Variants in DOCK8 observed in about 807,000 individuals in gnomAD.
The protein encoded by DOCK8 is dedicator of cytokinesis 8, also known as dedicator of cytokinesis protein 8.
In DOCK8, 141 loss-of-function variants were observed where a neutral mutation model predicts 245.6. The ratio of observed to expected loss-of-function variants is 0.57; its 90% confidence interval spans 0.50 to 0.66. The LOEUF (loss-of-function observed/expected upper bound fraction) is 0.66. DOCK8 is among the 30% of genes least tolerant of loss of function. DOCK8 has a pLI of 0.00. For synonymous variants in DOCK8, 1,168 were observed against 970.2 expected, an observed-to-expected ratio of 1.20 and a Z score of -3.79; for missense variants, 2,965 against 2,603.4, an observed-to-expected ratio of 1.14 and a Z score of -3.02.
At position 441,328 on chromosome 9, in the gene DOCK8, A is replaced by C. The variant is rs373154957; in HGVS notation, c.5266A>C (p.Ile1756Leu). The change falls in exon 41 of 48, where the codon ATC (isoleucine) becomes CTC (leucine). Residue 1756 changes from isoleucine (I) to leucine (L), a missense_variant. By Grantham distance (5) the Ile-to-Leu change is conservative. Coordinates refer to ENST00000432829, the MANE Select transcript of DOCK8 (RefSeq NM_203447.4). ...ETVNEVYKLV[I>L]PILEAHREFR... ...AGTTAATGAGGTCTACAAGCTGGTC[A>C]TCCCCATCCTAGAAGCGCATCGAGA... 147 of 1,614,068 alleles carry C rather than the reference A, an allele frequency of 9.1e-5. No homozygotes were observed. The highest frequency in any genetic ancestry group is 3.3e-4 in the Middle Eastern group (2 of 6,084).
At chr9:454,055 A>T (rs2057549012) in intron 46 of DOCK8, among the ~76,000 whole-genome samples, 1 of 150,448 alleles carries the variant, frequency 6.6e-6, no homozygotes, top group East Asian at 1.9e-4. Flanking sequence ...TTTAAGAATG[A>T]CTAACTACAG....
At position 368,148 on chromosome 9, in the gene DOCK8, A is replaced by C. The variant is rs776147775; in HGVS notation, c.1797+13A>C. The C allele has an allele frequency of 2.5e-5, 40 of 1,608,786 alleles. No individual in the cohort carries two copies. Among genetic ancestry groups the C allele is most frequent in the Admixed American group, 6.7e-5 (4 of 59,994 alleles). On this transcript the variant is annotated intron_variant, in intron 15 of 47. Transcript: ENST00000432829. The stretch of plus-strand genomic sequence containing the variant: ...CAATGCGATGCCGGTAAGGAGGGAA[A>C]CGAACATTTGCCTCAAATCAGGGTG...
chr9:386,221 C>A, intron 22 of DOCK8, 110 bp from the exon 23 acceptor site: 1 of 906,308 alleles, frequency 1.1e-6, no homozygotes, highest in Non-Finnish European at 1.8e-6. Flanking sequence ...CCTTTGTAAC[C>A]AGGAAAAAAA....
chr9:375,231 A>G (rs1320136497), intron 18 of DOCK8, among the ~76,000 whole-genome samples: 4 of 152,214 alleles, frequency 2.6e-5, no homozygotes, highest in Non-Finnish European at 4.4e-5. Context: ...TCTACCTTTC[A>G]TTATGATGAA....
intron 1 of DOCK8, among the ~76,000 whole-genome samples, chr9:219,105 T>C (rs972076837): frequency 2.6e-5 from 4 of 152,250 alleles, no homozygotes; most frequent in Non-Finnish European, 5.9e-5. Context: ...AGGTAACATT[T>C]ATTAATTATT....
intron 14 of DOCK8, among the ~76,000 whole-genome samples, chr9:348,491 A>G (rs1181060684): frequency 6.6e-6 from 1 of 152,136 alleles, no homozygotes. Context: ...GACGAGTGTC[A>G]TTTTTCCACT....
At chr9:307,382 G>A (rs1454719184) in intron 5 of DOCK8, among the ~76,000 whole-genome samples, 2 of 89,836 alleles carry the variant, frequency 2.2e-5, no homozygotes, top group African/African-American at 5.3e-5. Flanking sequence ...TTTTTGAGAT[G>A]GAGTTTTGCT....
chr9:392,777 G>T (rs576375250), intron 24 of DOCK8, among the ~76,000 whole-genome samples: 19 of 151,968 alleles, frequency 1.3e-4, no homozygotes, highest in Non-Finnish European at 2.5e-4. Context: ...AAAGGGACTG[G>T]GCCATAAGAC....
At chr9:293,257 A>T (rs922968930) in intron 4 of DOCK8, among the ~76,000 whole-genome samples, 1 of 152,166 alleles carries the variant, frequency 6.6e-6, no homozygotes, top group Admixed American at 6.5e-5. Context: ...CTGCCCATGA[A>T]AACTAAAATT....
chr9:352,002 G>A lies in DOCK8; in HGVS notation c.1679+11681G>A, dbSNP rs10972000. Reference sequence around the variant, plus strand: ...GTACCTCCAAGTGATTCATATGCATGTTTGGTGGGCGTCGAGCATGTGGCA... The same window carrying A: ...GTACCTCCAAGTGATTCATATGCATATTTGGTGGGCGTCGAGCATGTGGCA... On this transcript the variant is annotated intron_variant, in intron 14 of 47. Transcript: ENST00000432829. Among the ~76,000 whole-genome samples the A allele has an allele frequency of 3.4e-3, 513 of 152,346 alleles. 4 individuals are homozygous for A. The highest frequency in any genetic ancestry group is 0.012 in the African/African-American group (482 of 41,586).
At chr9:212,421 T>C (rs493348), upstream of DOCK8, among the ~76,000 whole-genome samples, 3 of 151,832 alleles carry the variant, frequency 2.0e-5, no homozygotes, top group African/African-American at 7.3e-5. Flanking sequence ...AGAGAGACCA[T>C]CAGATGCGGA....
chr9:405,029 G>A lies in DOCK8; in HGVS notation c.3346G>A (p.Ala1116Thr), dbSNP rs2055347744. The change falls in exon 27 of 48, where the codon GCT (alanine) becomes ACT (threonine). Residue 1116 changes from alanine to threonine, a missense_variant. Ala to Thr is a moderately conservative substitution (Grantham distance 58). This residue lies in a region of DOCK8 where 2,825 missense variants were observed against 2,453.5 expected (regional missense o/e 1.15). Coordinates refer to ENST00000432829, the MANE Select transcript of DOCK8 (RefSeq NM_203447.4). ...YLNLNLFFMN[A>T]DTAPTSPCPS... ...CAATCTGAACCTTTTTTTTATGAAT[G>A]CTGATACTGCTCCAACATCTCCTTG... The A allele has an allele frequency of 2.5e-6, 4 of 1,613,674 alleles. No homozygotes were observed. In the South Asian group the frequency reaches 4.4e-5, roughly 18 times the overall value.
At chr9:266,933 A>C (rs1465596025) in intron 1 of DOCK8, among the ~76,000 whole-genome samples, 1 of 152,236 alleles carries the variant, frequency 6.6e-6, no homozygotes, top group Non-Finnish European at 1.5e-5. Flanking sequence ...TCAAATGTAG[A>C]GGAAAATAAA....
chr9:409,714 A>T (rs1264899097), intron 28 of DOCK8, among the ~76,000 whole-genome samples: 1 of 151,866 alleles, frequency 6.6e-6, no homozygotes, highest in South Asian at 2.1e-4. Context: ...TATATCTCCT[A>T]ATGCTGTCCC....
At chr9:254,735 G>A (rs542433130) in intron 1 of DOCK8, among the ~76,000 whole-genome samples, 1 of 152,264 alleles carries the variant, frequency 6.6e-6, no homozygotes, top group South Asian at 2.1e-4. Flanking sequence ...TATGCATCAC[G>A]ACTTGAGATT....
rs2057489904 is a variant in DOCK8 at position 452,192 on chromosome 9, C to G, written c.6068+75C>G. The G allele has an allele frequency of 3.2e-6, 3 of 944,630 alleles. No individual in the cohort carries two copies. In the East Asian group the frequency reaches 8.3e-5, roughly 26 times the overall value. 58.5% of individuals were successfully genotyped at this position (944,630 alleles called of 1,614,324 possible). On this transcript the variant is annotated intron_variant, in intron 46 of 47. Coordinates refer to ENST00000432829, the MANE Select transcript of DOCK8 (RefSeq NM_203447.4). ...TGCAATCTTAGACCAGCAGCTTCAG[C>G]ATCACCTGAGAACTTGCTAGAAAGA...
intron 14 of DOCK8, among the ~76,000 whole-genome samples, chr9:354,932 C>T (rs766403005): frequency 3.1e-4 from 47 of 152,172 alleles, no homozygotes; most frequent in Middle Eastern, 6.3e-3. Flanking sequence ...ACTTTTGTCA[C>T]TACATCAGAA....
intron 2 of DOCK8, among the ~76,000 whole-genome samples, chr9:284,729 T>C (rs939889085): frequency 4.6e-5 from 7 of 152,216 alleles, no homozygotes; most frequent in African/African-American, 1.7e-4. Context: ...GCAGAAAATG[T>C]GGTACATATA....
chr9:453,650 C>G (rs1209895266), intron 46 of DOCK8, among the ~76,000 whole-genome samples: 2 of 152,168 alleles, frequency 1.3e-5, no homozygotes, highest in African/African-American at 4.8e-5. Flanking sequence ...TGATCTTGAA[C>G]TCCTGACCTC....
Sources: gnomAD v4.1 joint callset for allele counts (sites outside exome capture counted in the v4.1 genomes callset) on GRCh38, gnomAD v4.1.1 for gene constraint, gnomAD v4.1.1 regional missense constraint, MANE v1.5 for transcripts, NCBI Gene and HGNC (gene_info 2026-07-23, HGNC 2026-07-21) for gene names.